CLSTN2: variants seen among roughly 807,000 people sequenced by gnomAD.
The protein encoded by CLSTN2 is calsyntenin-2.
A neutral mutation model predicts 101.2 loss-of-function variants in CLSTN2; 48 were observed. The ratio of observed to expected loss-of-function variants is 0.47; its 90% CI spans 0.38 to 0.60. CLSTN2 has a LOEUF of 0.60. Ranked by LOEUF, CLSTN2 falls within the 20% of genes least tolerant of loss-of-function variation. The pLI, the probability that CLSTN2 is intolerant of heterozygous loss-of-function variation, is 0.00. For missense variants in CLSTN2, 1,160 were observed against 1,238.2 expected (o/e 0.94, Z 0.95); for synonymous variants, 481 against 463.6 (o/e 1.04, Z -0.48).
chr3:140,357,410 C>T (rs571607187), intron 2 of CLSTN2, among the ~76,000 whole-genome samples: 67 of 152,234 alleles, frequency 4.4e-4, no homozygotes, highest in Non-Finnish European at 7.6e-4. Flanking sequence ...GAGCCACATC[C>T]ACAGACACCC....
At chr3:140,029,548 A>G (rs1374607599) in intron 1 of CLSTN2, among the ~76,000 whole-genome samples, 1 of 152,196 alleles carries the variant, frequency 6.6e-6, no homozygotes. Flanking sequence ...TTACAAAACC[A>G]TAATGTAGCC....
intron 8 of CLSTN2, among the ~76,000 whole-genome samples, chr3:140,530,099 T>C (rs1935223522): frequency 6.6e-6 from 1 of 152,136 alleles, no homozygotes; most frequent in Non-Finnish European, 1.5e-5. Flanking sequence ...AAGGATATAA[T>C]CAGAAATGCA....
At chr3:140,507,449 T>C (rs1934706915) in intron 8 of CLSTN2, 1 of 152,130 alleles carries the variant, frequency 6.6e-6, no homozygotes, top group Admixed American at 6.5e-5. Context: ...GGCATCCCCA[T>C]GGTTTGGGGT....
Position 140,439,047 on chromosome 3 carries a change from G to A in CLSTN2, c.788-9472G>A, listed in dbSNP as rs145688782. ...AGGGCTTGGCACAGGCTCTAAAGAG[G>A]TGGTGCCCAACACCAGCAAGATCAG... is the stretch of plus-strand genomic sequence containing the variant. On this transcript the variant is annotated intron_variant, in intron 5 of 16. Transcript: ENST00000458420. 6.4e-4 allele frequency among the ~76,000 whole-genome samples: 98 copies of A among 152,336 alleles called. No homozygotes were observed. In the East Asian group the frequency reaches 0.018, roughly 28 times the overall value.
chr3:140,236,006 T>G (rs1195257787), intron 2 of CLSTN2, among the ~76,000 whole-genome samples: 1 of 152,130 alleles, frequency 6.6e-6, no homozygotes, highest in Non-Finnish European at 1.5e-5. Context: ...AGTTCCTGCC[T>G]GCAACTCATT....
intron 1 of CLSTN2, among the ~76,000 whole-genome samples, chr3:140,008,927 A>C (rs995454500): frequency 1.3e-5 from 2 of 152,230 alleles, no homozygotes; most frequent in African/African-American, 4.8e-5. Flanking sequence ...TGTTTTGCAG[A>C]CTTTCTCAAA....
intron 8 of CLSTN2, among the ~76,000 whole-genome samples, chr3:140,502,332 C>T (rs896901042): frequency 2.0e-5 from 3 of 152,088 alleles, no homozygotes; most frequent in Admixed American, 2.0e-4. Flanking sequence ...AGGATGCAGG[C>T]CTGTTTGCAT....
At chr3:139,968,644 T>G (rs1217469951) in intron 1 of CLSTN2, among the ~76,000 whole-genome samples, 1 of 152,240 alleles carries the variant, frequency 6.6e-6, no homozygotes, top group Non-Finnish European at 1.5e-5. Context: ...CTTTATACAT[T>G]ACCCAGTTTG....
intron 1 of CLSTN2, among the ~76,000 whole-genome samples, chr3:140,118,103 G>A (rs567471805): frequency 1.3e-5 from 2 of 152,150 alleles, no homozygotes; most frequent in African/African-American, 4.8e-5. Context: ...TATAAAAAGA[G>A]AAGATTAGGA....
intron 1 of CLSTN2, among the ~76,000 whole-genome samples, chr3:139,984,229 C>T (rs1206719266): frequency 1.3e-5 from 2 of 152,170 alleles, no homozygotes; most frequent in Non-Finnish European, 2.9e-5. Flanking sequence ...AGCCAAAAGC[C>T]TAGGTTGTTA....
At chr3:140,213,815 G>A (rs2010888170) in intron 2 of CLSTN2, among the ~76,000 whole-genome samples, 1 of 152,088 alleles carries the variant, frequency 6.6e-6, no homozygotes. Context: ...TAAGATTGGG[G>A]CTCGAATCCA....
At chr3:140,276,518 T>C (rs2107893379) in intron 2 of CLSTN2, among the ~76,000 whole-genome samples, 1 of 152,202 alleles carries the variant, frequency 6.6e-6, no homozygotes, top group South Asian at 2.1e-4. Flanking sequence ...GTAGGTGTTT[T>C]ATTTAGAAGG....
chr3:140,544,731 G>C (rs534521162), intron 9 of CLSTN2, among the ~76,000 whole-genome samples: 162 of 152,078 alleles, frequency 1.1e-3, no homozygotes, highest in Non-Finnish European at 2.1e-3. Flanking sequence ...GGGTGGAGTA[G>C]GGCTCCAGGC....
chr3:140,547,326 T>A (rs1214126383), intron 10 of CLSTN2, among the ~76,000 whole-genome samples: 9 of 151,930 alleles, frequency 5.9e-5, no homozygotes, highest in Non-Finnish European at 1.0e-4. Context: ...ATACAAAAAT[T>A]AGCCACACAT....
intron 5 of CLSTN2, among the ~76,000 whole-genome samples, chr3:140,426,195 C>T (rs898757112): frequency 1.6e-4 from 24 of 152,024 alleles, no homozygotes; most frequent in Non-Finnish European, 5.9e-5. Context: ...AAATGTGTGC[C>T]GTGGTGGTTT....
In CLSTN2 at chr3:140,082,315, G is replaced by A. The variant is rs548226247; in HGVS notation, c.110-93636G>A. ...TTGAATATAGAGGGCTGTGTGCTGC[G>A]TCTGGAGGGCTGGCAGGGGGAATGA... On this transcript the variant is annotated intron_variant, in intron 1 of 16. Transcript: ENST00000458420. Among the ~76,000 whole-genome samples, 11 of 152,204 alleles carry A rather than the reference G, an allele frequency of 7.2e-5. No individual in the cohort carries two copies. In the South Asian group the frequency reaches 1.5e-3, roughly 20 times the overall value.
intron 1 of CLSTN2, among the ~76,000 whole-genome samples, chr3:140,044,029 A>T (rs2007816865): frequency 6.6e-6 from 1 of 152,204 alleles, no homozygotes; most frequent in African/African-American, 2.4e-5. Context: ...GTTCCATATG[A>T]ACTTTACTTA....
chr3:140,131,883 T>C (rs2009528006), intron 1 of CLSTN2, among the ~76,000 whole-genome samples: 1 of 152,022 alleles, frequency 6.6e-6, no homozygotes, highest in African/African-American at 2.4e-5. Context: ...GTCCCACAAT[T>C]GACCAGTATC....
chr3:140,230,359 A>G (rs1002168409), intron 2 of CLSTN2, among the ~76,000 whole-genome samples: 6 of 152,224 alleles, frequency 3.9e-5, no homozygotes, highest in African/African-American at 1.4e-4. Flanking sequence ...TAATTTACTC[A>G]ATGACTAAAG....
Sources: allele counts gnomAD v4.1 joint callset (sites outside exome capture counted in the v4.1 genomes callset), GRCh38; gene constraint gnomAD v4.1.1; transcripts MANE v1.5; gene names NCBI Gene and HGNC (gene_info 2026-07-23, HGNC 2026-07-21).